Variants in DLG2 observed in about 807,000 individuals in gnomAD.
The protein encoded by DLG2 is disks large homolog 2.
A neutral mutation model predicts 132.5 loss-of-function variants in DLG2; 45 were observed. The ratio of observed to expected loss-of-function variants is 0.34; its 90% CI spans 0.27 to 0.44. The LOEUF (loss-of-function observed/expected upper bound fraction) is 0.44. DLG2 is among the 20% of genes least tolerant of loss of function. DLG2 has a pLI of 1.00. For synonymous variants in DLG2, 424 were observed against 419.6 expected (o/e 1.01, Z -0.13); for missense variants, 1,045 against 1,196.9 (o/e 0.87, Z 1.87).
chr11:83,558,008 T>C (rs2096548812), intron 19 of DLG2, among the ~76,000 whole-genome samples: 1 of 152,170 alleles, frequency 6.6e-6, no homozygotes, highest in Non-Finnish European at 1.5e-5. Context: ...GAGGACAATA[T>C]GGAATCTATA....
chr11:84,601,230 AACAC>A (rs147136019), intron 6 of DLG2, among the ~76,000 whole-genome samples: 5 of 151,164 alleles, frequency 3.3e-5, no homozygotes, highest in Non-Finnish European at 5.9e-5. Flanking sequence ...ATTGTTTTGA[AACAC>A]ACACACACAC....
chr11:83,483,399 C>T (rs1361160606), intron 22 of DLG2: 1 of 873,192 alleles, frequency 1.1e-6, no homozygotes, highest in Non-Finnish European at 1.9e-6. Flanking sequence ...CCATGACAGA[C>T]CGTGCTGCCT....
At chr11:85,516,171 T>C (rs1379295676) in intron 3 of DLG2, among the ~76,000 whole-genome samples, 2 of 151,900 alleles carry the variant, frequency 1.3e-5, no homozygotes, top group African/African-American at 4.8e-5. Flanking sequence ...TACAAACACA[T>C]GAAAACTCAA....
intron 8 of DLG2, among the ~76,000 whole-genome samples, chr11:84,242,455 G>T (rs1007115850): frequency 2.0e-5 from 3 of 151,774 alleles, no homozygotes; most frequent in African/African-American, 7.3e-5. Context: ...ACCCAGGCTG[G>T]AGTGCAATGG....
intron 3 of DLG2, among the ~76,000 whole-genome samples, chr11:85,392,814 C>T (rs1298865017): frequency 6.6e-6 from 1 of 152,046 alleles, no homozygotes; most frequent in Non-Finnish European, 1.5e-5. Flanking sequence ...TCACCTTACA[C>T]AAAAATCAAC....
intron 19 of DLG2, among the ~76,000 whole-genome samples, chr11:83,602,627 C>T (rs770185713): frequency 1.3e-5 from 2 of 152,182 alleles, no homozygotes; most frequent in Admixed American, 6.5e-5. Context: ...AGCTCCTTGG[C>T]CATGTTTCAG....
intron 3 of DLG2, among the ~76,000 whole-genome samples, chr11:85,464,343 T>A (rs181459293): frequency 1.3e-5 from 2 of 152,144 alleles, no homozygotes; most frequent in Non-Finnish European, 1.5e-5. Context: ...GAGTTACCAC[T>A]CAGATCAGTT....
At chr11:85,567,477 G>A (rs2077592032) in intron 3 of DLG2, among the ~76,000 whole-genome samples, 1 of 152,038 alleles carries the variant, frequency 6.6e-6, no homozygotes, top group Non-Finnish European at 1.5e-5. Context: ...TTTGTGCATT[G>A]ATTGCTTTTG....
intron 3 of DLG2, among the ~76,000 whole-genome samples, chr11:85,289,234 T>C (rs1595969337): frequency 6.6e-6 from 1 of 152,212 alleles, no homozygotes; most frequent in East Asian, 1.9e-4. Context: ...AATTGACATA[T>C]ATCCCCTTGT....
At chr11:83,938,647 T>G (rs2082012442) in intron 14 of DLG2, among the ~76,000 whole-genome samples, 1 of 152,224 alleles carries the variant, frequency 6.6e-6, no homozygotes, top group South Asian at 2.1e-4. Flanking sequence ...CATTCATTCA[T>G]TCCACAAATA....
chr11:83,682,550 G>T, intron 18 of DLG2: 2 of 699,818 alleles, frequency 2.9e-6, no homozygotes, highest in African/African-American at 1.9e-5. Flanking sequence ...ACCTTGTTAA[G>T]GTGGATCCAC....
At chr11:84,949,518 C>A (rs1001787454) in intron 6 of DLG2, among the ~76,000 whole-genome samples, 1 of 148,176 alleles carries the variant, frequency 6.7e-6, no homozygotes, top group Admixed American at 6.8e-5. Context: ...GACAGGTACA[C>A]CCTGGCGGGC....
At chr11:85,540,290 A>T (rs376604706) in intron 3 of DLG2, among the ~76,000 whole-genome samples, 12 of 151,952 alleles carry the variant, frequency 7.9e-5, no homozygotes, top group East Asian at 3.9e-4. Flanking sequence ...GCCCATAAAA[A>T]CCCCAAGACC....
At chr11:84,110,256 T>C (rs1235916356) in intron 9 of DLG2, among the ~76,000 whole-genome samples, 2 of 152,168 alleles carry the variant, frequency 1.3e-5, no homozygotes, top group African/African-American at 2.4e-5. Flanking sequence ...AGAACGTATC[T>C]CATCTAAAGC....
intron 12 of DLG2, among the ~76,000 whole-genome samples, chr11:83,969,667 G>A (rs1012967611): frequency 3.9e-5 from 6 of 152,088 alleles, no homozygotes; most frequent in African/African-American, 1.2e-4. Flanking sequence ...TCTGCCTCCC[G>A]GGTTCAAGCA....
chr11:85,165,261 T>A (rs886333237), intron 4 of DLG2, among the ~76,000 whole-genome samples: 1 of 152,162 alleles, frequency 6.6e-6, no homozygotes, highest in Non-Finnish European at 1.5e-5. Flanking sequence ...TTATGTGAAA[T>A]AGCTTGACTT....
chr11:85,289,165 T>C (rs1936288517), intron 3 of DLG2, among the ~76,000 whole-genome samples: 1 of 152,154 alleles, frequency 6.6e-6, no homozygotes, highest in Non-Finnish European at 1.5e-5. Flanking sequence ...TTAAATTTGA[T>C]GATAATTCAA....
rs1034660882 is a variant in DLG2 at position 83,978,566 on chromosome 11, A to G, written c.1056+1940T>C. Among the ~76,000 whole-genome samples the G allele has an allele frequency of 7.9e-5, 12 of 152,126 alleles. 1 individual carries two copies. The highest frequency in any genetic ancestry group is 2.2e-4 in the African/African-American group (9 of 41,454). On this transcript the variant is annotated intron_variant, in intron 12 of 27. Coordinates refer to ENST00000376104, the MANE Select transcript of DLG2 (RefSeq NM_001142699.3). ...GAACAAACTTTTACATCAAAAACAAACAAGCAAACAAACAAACAAACAAAA... is the reference window on the plus strand; with the variant it reads ...GAACAAACTTTTACATCAAAAACAAGCAAGCAAACAAACAAACAAACAAAA...
intron 7 of DLG2, among the ~76,000 whole-genome samples, chr11:84,275,656 G>A (rs2097777064): frequency 6.6e-6 from 1 of 152,160 alleles, no homozygotes; most frequent in South Asian, 2.1e-4. Flanking sequence ...ACCCAGCCGT[G>A]CTATAATTTT....
Sources: allele counts gnomAD v4.1 joint callset (sites outside exome capture counted in the v4.1 genomes callset), GRCh38; gene constraint gnomAD v4.1.1; transcripts MANE v1.5; gene names NCBI Gene and HGNC (gene_info 2026-07-23, HGNC 2026-07-21).